The following TRIM5 variants were observed in gnomAD, a reference collection of about 807,000 sequenced individuals.
TRIM5 encodes the protein tripartite motif-containing protein 5.
A neutral mutation model predicts 35.6 loss-of-function variants in TRIM5; 31 were observed. The observed-to-expected ratio is 0.87, with a 90% CI of 0.65 to 1.18. TRIM5 has a LOEUF of 1.18. Among genes scored for constraint, TRIM5 ranks in the 50% most tolerant of loss-of-function variants. The pLI, the probability that TRIM5 is intolerant of heterozygous loss-of-function variation, is 0.00. For missense variants in TRIM5, 609 were observed against 591.6 expected, an observed-to-expected ratio of 1.03 and a Z score of -0.31; for synonymous variants, 243 against 215.6, an observed-to-expected ratio of 1.13 and a Z score of -1.11.
the TRIM5 span, chr11:5,605,716 T>C: frequency 1.0e-6 from 1 of 984,316 alleles, no homozygotes; most frequent in African/African-American, 1.6e-5. Context: ...TTAAACTGTT[T>C]AGAGGTATGG....
the TRIM5 span, among the ~76,000 whole-genome samples, chr11:5,622,841 A>C: frequency 6.6e-6 from 1 of 152,308 alleles, no homozygotes; most frequent in African/African-American, 2.4e-5. Flanking sequence ...AAGGTTAAGG[A>C]TGCACCCATG....
chr11:5,604,706 T>C, the TRIM5 span: 1 of 1,466,822 alleles, frequency 6.8e-7, no homozygotes. Context: ...AAAGGAGTCC[T>C]TGTCCTGTCT....
chr11:5,657,021 T>C, the TRIM5 span, among the ~76,000 whole-genome samples: 2 of 152,324 alleles, frequency 1.3e-5, no homozygotes, highest in African/African-American at 4.8e-5. Flanking sequence ...CATATGTTTA[T>C]TGCAGCACTA....
At chr11:5,625,583 C>T in the TRIM5 span, among the ~76,000 whole-genome samples, 2 of 152,128 alleles carry the variant, frequency 1.3e-5, no homozygotes, top group African/African-American at 4.8e-5. Context: ...TGCTGCCCTC[C>T]TGGCAACCAC....
chr11:5,620,561 C>G, the TRIM5 span, among the ~76,000 whole-genome samples: 1 of 152,138 alleles, frequency 6.6e-6, no homozygotes, highest in Non-Finnish European at 1.5e-5. Flanking sequence ...CATGTTGGAA[C>G]TAAAACTGGA....
At chr11:5,644,346 A>G in the TRIM5 span, 2 of 398,312 alleles carry the variant, frequency 5.0e-6, no homozygotes, top group Non-Finnish European at 8.9e-6. Flanking sequence ...AATGTAATGC[A>G]TCGATTTAGT....
chr11:5,670,342 T>TG (rs1225473504), intron 4 of TRIM5, among the ~76,000 whole-genome samples: 5 of 101,788 alleles, frequency 4.9e-5, no homozygotes, highest in Non-Finnish European at 1.1e-4. Flanking sequence ...CACACCCAGC[T>TG]AATTTTTTTT....
chr11:5,610,883 G>A, the TRIM5 span: 2 of 1,614,162 alleles, frequency 1.2e-6, no homozygotes, highest in Non-Finnish European at 1.7e-6. Context: ...CTTCCTGTCT[G>A]GAAAAGCATT....
chr11:5,603,143 AC>A, the TRIM5 span: 7 of 1,507,528 alleles, frequency 4.6e-6, no homozygotes, highest in African/African-American at 9.8e-5. Context: ...AGCCCTTGTT[AC>A]CCCAGGTGTC....
At chr11:5,596,871 G>A in the TRIM5 span, 1 of 1,613,828 alleles carries the variant, frequency 6.2e-7, no homozygotes, top group Non-Finnish European at 8.5e-7. Context: ...GCTTACATCT[G>A]GAACTTCTTG....
At chr11:5,606,168 G>A in the TRIM5 span, among the ~76,000 whole-genome samples, 1 of 152,208 alleles carries the variant, frequency 6.6e-6, no homozygotes, top group African/African-American at 2.4e-5. Flanking sequence ...AATTCTTAGA[G>A]ATGATGTATT....
chr11:5,603,793 G>C, the TRIM5 span: 9 of 1,583,490 alleles, frequency 5.7e-6, no homozygotes, highest in Non-Finnish European at 7.7e-6. Context: ...AGGTTTTAAC[G>C]TTTTATCATG....
chr11:5,611,080 G>A, the TRIM5 span: 1 of 1,614,174 alleles, frequency 6.2e-7, no homozygotes, highest in Non-Finnish European at 8.5e-7. Context: ...AGTGGATACT[G>A]GGTGATTGGG....
chr11:5,605,599 G>C, the TRIM5 span: 1 of 1,581,840 alleles, frequency 6.3e-7, no homozygotes, highest in Non-Finnish European at 8.6e-7. Context: ...AGATCTGAGA[G>C]TCAAGGAAAA....
the TRIM5 span, among the ~76,000 whole-genome samples, chr11:5,630,533 A>T: frequency 1.3e-5 from 2 of 152,200 alleles, no homozygotes; most frequent in Non-Finnish European, 2.9e-5. Flanking sequence ...CCACACATTT[A>T]AAAACTTTCG....
chr11:5,679,761 T>A lies in TRIM5; in HGVS notation c.417A>T (p.Gln139His). 1 of 1,580,878 alleles carries A rather than the reference T, an allele frequency of 6.3e-7. No individual in the cohort carries two copies. The highest frequency in any genetic ancestry group is 8.6e-7 in the Non-Finnish European group (1 of 1,161,352). Residue 139 changes from glutamine to histidine, a missense_variant and splice_region_variant, in exon 2 of 8, where the codon CAA becomes CAT. By Grantham distance (24) the Gln-to-His change is conservative. Transcript: ENST00000380034. ...FLTEEVAREY[Q>H]VKLQAALEML... ...TCTTCCTTCCATCCCAGTCTCTTAC[T>A]TGGTACTCCCGGGCAACCTCCTCTG...
the TRIM5 span, among the ~76,000 whole-genome samples, chr11:5,616,228 G>T: frequency 1.4e-5 from 2 of 146,934 alleles, 1 homozygote; most frequent in Non-Finnish European, 3.0e-5. Flanking sequence ...TGGGATTACA[G>T]GCGTGAGCCA....
chr11:5,668,510 C>A (rs1168516909), intron 4 of TRIM5, among the ~76,000 whole-genome samples: 1 of 151,876 alleles, frequency 6.6e-6, no homozygotes, highest in Non-Finnish European at 1.5e-5. Context: ...AGTGCAGTGG[C>A]GTGATCTCGG....
chr11:5,655,625 C>G, the TRIM5 span: 42 of 984,934 alleles, frequency 4.3e-5, no homozygotes, highest in East Asian at 4.1e-3. Flanking sequence ...TGAAGATTGC[C>G]ATGCTCCTCA....
Sources: allele counts gnomAD v4.1 joint callset (sites outside exome capture counted in the v4.1 genomes callset), GRCh38; gene constraint gnomAD v4.1.1; transcripts MANE v1.5; gene names NCBI Gene and HGNC (gene_info 2026-07-23, HGNC 2026-07-21).